SV2C: variants seen among roughly 807,000 people sequenced by gnomAD.
The protein encoded by SV2C is solute carrier family 22 member B3.
In SV2C, 49 loss-of-function variants were observed where a neutral mutation model predicts 79.7. The observed-to-expected ratio is 0.61, with a 90% confidence interval of 0.49 to 0.78. The LOEUF (loss-of-function observed/expected upper bound fraction) is 0.78. SV2C is among the 30% of genes least tolerant of loss of function. SV2C has a pLI of 0.00. For missense variants in SV2C, 833 were observed against 912.9 expected, an observed-to-expected ratio of 0.91 and a Z score of 1.13; for synonymous variants, 334 against 333.2, an observed-to-expected ratio of 1.00 and a Z score of -0.03.
At chr5:75,884,885 CA>C in the SV2C span, among the ~76,000 whole-genome samples, 2 of 151,914 alleles carry the variant, frequency 1.3e-5, no homozygotes, top group African/African-American at 4.8e-5. Flanking sequence ...TTCTAGTGTG[CA>C]AAAATACTGA....
chr5:76,068,882 C>G, the SV2C span, among the ~76,000 whole-genome samples: 1 of 152,052 alleles, frequency 6.6e-6, no homozygotes, highest in Non-Finnish European at 1.5e-5. Context: ...CCACCATCCC[C>G]ACAGTAGTAA....
chr5:76,107,495 T>C (rs1388295967), intron 1 of SV2C, among the ~76,000 whole-genome samples: 1 of 152,208 alleles, frequency 6.6e-6, no homozygotes, highest in Non-Finnish European at 1.5e-5. Context: ...ATTAATTACA[T>C]TTTCATTTGA....
At chr5:76,150,198 C>CT (rs397998189) in intron 2 of SV2C, among the ~76,000 whole-genome samples, 1,895 of 122,426 alleles carry the variant, frequency 0.015, 38 homozygotes, top group African/African-American at 0.044. Flanking sequence ...GATTTAATAT[C>CT]TTTTTTTTTT....
At chr5:76,258,131 G>GGTGTGTGT (rs10664841) in intron 4 of SV2C, among the ~76,000 whole-genome samples, 1 of 148,574 alleles carries the variant, frequency 6.7e-6, no homozygotes, top group East Asian at 2.0e-4. Flanking sequence ...TGGTATATGG[G>GGTGTGTGT]GTGTGTGTGT....
At chr5:76,195,469 A>G (rs1382122375) in intron 3 of SV2C, among the ~76,000 whole-genome samples, 1 of 152,202 alleles carries the variant, frequency 6.6e-6, no homozygotes, top group Non-Finnish European at 1.5e-5. Flanking sequence ...GAGCCATTCA[A>G]GCATGCTCTT....
the SV2C span, among the ~76,000 whole-genome samples, chr5:75,971,843 AC>A: frequency 6.6e-6 from 1 of 152,054 alleles, no homozygotes; most frequent in Non-Finnish European, 1.5e-5. Context: ...TTCATATGGA[AC>A]CAAAAAAGAG....
At chr5:76,321,967 G>T (rs1382489384) in intron 12 of SV2C, among the ~76,000 whole-genome samples, 1 of 151,916 alleles carries the variant, frequency 6.6e-6, no homozygotes, top group East Asian at 1.9e-4. Context: ...ATGTTACATT[G>T]GCTCACTGGT....
the SV2C span, among the ~76,000 whole-genome samples, chr5:75,937,653 G>A: frequency 5.9e-5 from 9 of 152,204 alleles, no homozygotes; most frequent in South Asian, 6.2e-4. Context: ...AGACTGTAGC[G>A]AGCTGTGATA....
At chr5:76,181,611 G>T (rs1029770729) in intron 2 of SV2C, among the ~76,000 whole-genome samples, 4 of 152,072 alleles carry the variant, frequency 2.6e-5, no homozygotes, top group Admixed American at 2.0e-4. Flanking sequence ...GAGAGGGAAG[G>T]GGGGATGTGC....
At chr5:75,887,348 T>C in the SV2C span, among the ~76,000 whole-genome samples, 1 of 152,072 alleles carries the variant, frequency 6.6e-6, no homozygotes, top group African/African-American at 2.4e-5. Flanking sequence ...ACCCTTTGAC[T>C]AATAGCTCTC....
the SV2C span, among the ~76,000 whole-genome samples, chr5:75,912,669 A>G: frequency 1.3e-5 from 2 of 152,114 alleles, no homozygotes; most frequent in Admixed American, 1.3e-4. Flanking sequence ...ACATTACTTG[A>G]TATGAGGGTG....
At chr5:75,862,415 A>G in the SV2C span, among the ~76,000 whole-genome samples, 2 of 152,218 alleles carry the variant, frequency 1.3e-5, no homozygotes, top group African/African-American at 4.8e-5. Context: ...GTAACTTTAG[A>G]AAAAACATAA....
intron 4 of SV2C, among the ~76,000 whole-genome samples, chr5:76,234,469 G>A (rs781350790): frequency 2.6e-4 from 32 of 122,496 alleles, no homozygotes; most frequent in African/African-American, 1.3e-3. Context: ...AAAGTTTTCC[G>A]GAGTTTTTAC....
the SV2C span, among the ~76,000 whole-genome samples, chr5:75,899,871 C>T: frequency 1.2e-4 from 18 of 151,800 alleles, no homozygotes; most frequent in South Asian, 8.3e-4. Context: ...CTGTTTTATC[C>T]GAGACTAGGA....
the SV2C span, among the ~76,000 whole-genome samples, chr5:75,963,638 G>A: frequency 6.6e-6 from 1 of 152,172 alleles, no homozygotes; most frequent in African/African-American, 2.4e-5. Context: ...GCTTAGGTGT[G>A]AGTCTTTTCT....
the SV2C span, among the ~76,000 whole-genome samples, chr5:76,014,164 G>A: frequency 7.7e-5 from 8 of 104,348 alleles, no homozygotes; most frequent in East Asian, 1.7e-3. Flanking sequence ...AAAGAAGGAA[G>A]GAAGGAAGAA....
chr5:76,278,743 C>T (rs1747095700), intron 4 of SV2C, among the ~76,000 whole-genome samples: 1 of 152,354 alleles, frequency 6.6e-6, no homozygotes, highest in Non-Finnish European at 1.5e-5. Context: ...AAGCAGTCTA[C>T]ATAGGCCTTA....
At chr5:75,905,183 T>C in the SV2C span, among the ~76,000 whole-genome samples, 1 of 152,236 alleles carries the variant, frequency 6.6e-6, no homozygotes, top group Non-Finnish European at 1.5e-5. Flanking sequence ...TGCTGAGTTT[T>C]GTTACTCCAG....
chr5:76,346,842 T>C (rs1215109654), intron 12 of SV2C, among the ~76,000 whole-genome samples: 1 of 152,196 alleles, frequency 6.6e-6, no homozygotes, highest in Non-Finnish European at 1.5e-5. Flanking sequence ...CTTCCCACCA[T>C]GCCCAAGTGA....
Sources: gnomAD v4.1 joint callset for allele counts (sites outside exome capture counted in the v4.1 genomes callset) on GRCh38, gnomAD v4.1.1 for gene constraint, MANE v1.5 for transcripts, NCBI Gene and HGNC (gene_info 2026-07-23, HGNC 2026-07-21) for gene names.